The following OPCML variants were observed in gnomAD, a reference collection of about 807,000 sequenced individuals.
OPCML encodes opioid-binding protein/cell adhesion molecule.
OPCML carries 13 observed loss-of-function variants against 37.8 expected under a neutral mutation model. That is an observed-to-expected ratio of 0.34 (90% CI 0.22 to 0.55). OPCML has a LOEUF of 0.55. OPCML is among the 20% of genes least tolerant of loss of function. OPCML has a pLI of 0.91. For synonymous variants in OPCML, 176 were observed against 168.8 expected (o/e 1.04, Z -0.33); for missense variants, 341 against 435.6 (o/e 0.78, Z 1.93).
At chr11:132,503,194 C>A (rs2096249307) in intron 4 of OPCML, among the ~76,000 whole-genome samples, 1 of 152,166 alleles carries the variant, frequency 6.6e-6, no homozygotes. Flanking sequence ...ATTTTTGCAT[C>A]TCCGTTGGCT....
At chr11:133,025,396 G>A (rs2136911042) in intron 1 of OPCML, 2 of 985,176 alleles carry the variant, frequency 2.0e-6, no homozygotes, top group African/African-American at 3.5e-5. Flanking sequence ...TACTAGCCAA[G>A]AGTATTCCCA....
At chr11:132,963,946 C>T (rs1390170222) in intron 1 of OPCML, among the ~76,000 whole-genome samples, 1 of 152,142 alleles carries the variant, frequency 6.6e-6, no homozygotes, top group East Asian at 1.9e-4. Context: ...TTACTCACTT[C>T]CTCATTCGAT....
intron 2 of OPCML, among the ~76,000 whole-genome samples, chr11:132,864,788 T>A (rs1446509801): frequency 6.6e-6 from 1 of 152,224 alleles, no homozygotes; most frequent in Non-Finnish European, 1.5e-5. Flanking sequence ...ATCTATTTTT[T>A]TCTATCTGGG....
chr11:132,991,830 T>C (rs987169992), intron 1 of OPCML, among the ~76,000 whole-genome samples: 1 of 152,150 alleles, frequency 6.6e-6, no homozygotes, highest in African/African-American at 2.4e-5. Flanking sequence ...TTAAGACCTT[T>C]GGATTAAGTG....
intron 2 of OPCML, among the ~76,000 whole-genome samples, chr11:132,931,635 A>G (rs1945204630): frequency 6.6e-6 from 1 of 152,212 alleles, no homozygotes; most frequent in African/African-American, 2.4e-5. Flanking sequence ...AGTCACTATT[A>G]ATGAAAATAA....
intron 1 of OPCML, among the ~76,000 whole-genome samples, chr11:133,452,147 G>A (rs1333310503): frequency 6.6e-6 from 1 of 151,500 alleles, no homozygotes; most frequent in African/African-American, 2.4e-5. Flanking sequence ...CAAGAGAAAA[G>A]GTAATCAATG....
intron 1 of OPCML, among the ~76,000 whole-genome samples, chr11:133,028,539 G>A (rs1299117960): frequency 6.7e-6 from 1 of 149,002 alleles, no homozygotes; most frequent in Admixed American, 6.7e-5. Context: ...GTGTGTGTGT[G>A]TGTGTGTGTG....
intron 2 of OPCML, among the ~76,000 whole-genome samples, chr11:132,887,523 TCGCACAGCCTG>T (rs1319781357): frequency 6.6e-6 from 1 of 152,182 alleles, no homozygotes; most frequent in African/African-American, 2.4e-5. Flanking sequence ...ATGAACAACA[TCGCACAGCCTG>T]AGTGTGACTC....
rs563962158 is a variant in OPCML, at chr11:133,509,082, G to A, written c.61+23182C>T. Among the ~76,000 whole-genome samples, 5 of 151,870 alleles carry A rather than the reference G, an allele frequency of 3.3e-5. No homozygotes were observed. The East Asian group carries it at 7.8e-4, about 24-fold the overall frequency. ...CCACAGCAATCTTTTTAAATTTTAT[G>A]TTCTGGGATACATGTGCAGGACGTG... On this transcript the variant is annotated intron_variant, in intron 1 of 7. Coordinates refer to ENST00000524381, the MANE Select transcript of OPCML (RefSeq NM_001012393.5).
rs367665759 is a variant in OPCML, at chr11:133,314,353, C to T, written c.61+217911G>A. Among the ~76,000 whole-genome samples, 31 of 149,896 alleles carry T rather than the reference C, an allele frequency of 2.1e-4. No homozygotes were observed. The East Asian group carries it at 3.4e-3, about 16-fold the overall frequency. ...ACTACAGAACCTTCTAAACATCCTTCTAAACTTCATGTCAAAATTAGACAA... is the reference window on the plus strand; with the variant it reads ...ACTACAGAACCTTCTAAACATCCTTTTAAACTTCATGTCAAAATTAGACAA... On this transcript the variant is annotated intron_variant, in intron 1 of 7. Coordinates refer to ENST00000524381, the MANE Select transcript of OPCML (RefSeq NM_001012393.5).
In OPCML at chr11:133,173,903, A is replaced by G. The variant is rs905455286; in HGVS notation, c.62-230893T>C. 1.3e-5 allele frequency among the ~76,000 whole-genome samples: 2 copies of G among 152,158 alleles called. No individual in the cohort carries two copies. Among genetic ancestry groups the G allele is most frequent in the Non-Finnish European group, 2.9e-5 (2 of 68,024 alleles). ...CTCTGAGGGCTGGAATGAAGATTGGACCGGGGCCGGCCGGCACTGGAGCAG... is the reference window on the plus strand; with the variant it reads ...CTCTGAGGGCTGGAATGAAGATTGGGCCGGGGCCGGCCGGCACTGGAGCAG... On this transcript the variant is annotated intron_variant, in intron 1 of 7. Transcript: ENST00000524381. The surrounding 1 kb of genome is among the most constrained non-coding windows in gnomAD (Gnocchi z 7.8).
chr11:132,607,142 G>A (rs958762504), intron 3 of OPCML, among the ~76,000 whole-genome samples: 1 of 152,212 alleles, frequency 6.6e-6, no homozygotes, highest in Non-Finnish European at 1.5e-5. Flanking sequence ...AAATGACAGG[G>A]CTTGGACTAA....
chr11:132,684,806 G>A lies in OPCML; in HGVS notation c.147-27487C>T, dbSNP rs117043079. Among the ~76,000 whole-genome samples the A allele has an allele frequency of 3.2e-3, 481 of 152,134 alleles. 3 individuals are homozygous for A. The highest frequency in any genetic ancestry group is 5.0e-3 in the South Asian group (24 of 4,802). ...CAGACAGACAAATAAATAACTTTGCGGTCACTGTTGTAAGATGATCAATGT... is the reference window on the plus strand; with the variant it reads ...CAGACAGACAAATAAATAACTTTGCAGTCACTGTTGTAAGATGATCAATGT... On this transcript the variant is annotated intron_variant, in intron 2 of 7. Transcript: ENST00000524381.
At chr11:132,662,053 G>A (rs1192143758) in intron 2 of OPCML, among the ~76,000 whole-genome samples, 2 of 152,174 alleles carry the variant, frequency 1.3e-5, no homozygotes, top group Admixed American at 6.5e-5. Context: ...TATGTACCGT[G>A]GGGTTAAGAT....
intron 1 of OPCML, among the ~76,000 whole-genome samples, chr11:133,313,529 G>C (rs1404859050): frequency 6.6e-6 from 1 of 152,220 alleles, no homozygotes; most frequent in Non-Finnish European, 1.5e-5. Flanking sequence ...ACTATTCCAC[G>C]AGTCCCATTT....
chr11:132,881,782 C>T (rs1230745594), intron 2 of OPCML, among the ~76,000 whole-genome samples: 1 of 152,194 alleles, frequency 6.6e-6, no homozygotes, highest in Admixed American at 6.5e-5. Context: ...TGTGACTGCG[C>T]AGTTGCTTGC....
intron 1 of OPCML, among the ~76,000 whole-genome samples, chr11:133,277,476 G>A (rs1243428639): frequency 6.6e-6 from 1 of 152,002 alleles, no homozygotes; most frequent in Non-Finnish European, 1.5e-5. Context: ...GTTTCTTCCA[G>A]ACGAAGTTAA....
chr11:132,771,734 A>G (rs1393662913), intron 2 of OPCML: 1 of 152,222 alleles, frequency 6.6e-6, no homozygotes, highest in Non-Finnish European at 1.5e-5. Context: ...ATGAAAACGC[A>G]CAGCATATAA....
intron 2 of OPCML, among the ~76,000 whole-genome samples, chr11:132,680,865 ACGC>A (rs1382081031): frequency 6.6e-6 from 1 of 152,150 alleles, no homozygotes; most frequent in Non-Finnish European, 1.5e-5. Flanking sequence ...GCAGCAGAAG[ACGC>A]CTGTTGCCCT....
Sources: allele counts gnomAD v4.1 joint callset (sites outside exome capture counted in the v4.1 genomes callset), GRCh38; gene constraint gnomAD v4.1.1; non-coding constraint Gnocchi (gnomAD v3.1); transcripts MANE v1.5; gene names NCBI Gene and HGNC (gene_info 2026-07-23, HGNC 2026-07-21).